The following ASXL1 variants were observed in gnomAD, a reference collection of about 807,000 sequenced individuals.
ASXL1 encodes the protein polycomb group protein ASXL1.
In ASXL1, 65 loss-of-function variants were observed where a neutral mutation model predicts 89.1. The ratio of observed to expected loss-of-function variants is 0.73; its 90% CI spans 0.60 to 0.90. ASXL1 has a LOEUF of 0.90. Ranked by LOEUF, ASXL1 falls within the 40% of genes least tolerant of loss-of-function variation. ASXL1 has a pLI of 0.00. For missense variants in ASXL1, 1,786 were observed against 1,942.9 expected, an observed-to-expected ratio of 0.92 and a Z score of 1.52; for synonymous variants, 739 against 746.9, an observed-to-expected ratio of 0.99 and a Z score of 0.17.
intron 4 of ASXL1, among the ~76,000 whole-genome samples, chr20:32,415,009 T>TTTGC (rs2049113407): frequency 7.7e-6 from 1 of 129,688 alleles, no homozygotes; most frequent in Non-Finnish European, 1.7e-5. Context: ...TGTTTGTTTG[T>TTTGC]TTGTTTTGTT....
rs1482007528 is a variant in ASXL1 at position 32,436,996 on chromosome 20, T to C, written c.4284T>C (p.Ser1428=). 3.7e-6 allele frequency: 6 copies of C among 1,613,954 alleles called. No individual in the cohort carries two copies. The highest frequency in any genetic ancestry group is 3.3e-4 in the Middle Eastern group (2 of 6,084). ...GGCTCAGTGAGCCTCTGGAGCCTTC[T>C]TCTCTCCCCTCCCAACTCAGCATCA... The part of the protein sequence containing the change: ...GKGLSEPLEP[S]SLPSQLSIKQ... The change falls in exon 13 of 13, where the codon TCT becomes TCC. Residue 1428 remains serine (S), a synonymous_variant. Transcript: ENST00000375687.
rs2048051256 is a variant in ASXL1, at chr20:32,358,586, C to T, written c.-190C>T. 5.1e-6 allele frequency: 1 copy of T among 195,212 alleles called. No individual in the cohort carries two copies. The highest frequency in any genetic ancestry group is 2.3e-5 in the African/African-American group (1 of 42,662). 12.1% of individuals were successfully genotyped at this position (195,212 alleles called of 1,614,324 possible). On this transcript the variant is annotated 5_prime_UTR_variant, in exon 1 of 13. Coordinates refer to ENST00000375687, the MANE Select transcript of ASXL1 (RefSeq NM_015338.6). ...CGCGTGGAGCCGCCGCCGCCCCTCC[C>T]CCACCGCCGCTCTCGCGCCAGCCGG...
chr20:32,409,498 C>G (rs2049009438), intron 4 of ASXL1, among the ~76,000 whole-genome samples: 1 of 152,146 alleles, frequency 6.6e-6, no homozygotes, highest in Admixed American at 6.5e-5. Context: ...TTATTAACAA[C>G]AAGTACATTC....
rs1399793191 is a variant in ASXL1 at position 32,438,832 on chromosome 20, C to G, written c.*1494C>G. ...AGGCAGGTTTGGGAAGAAACAAAGC[C>G]ATGCCTGCTCCTGCCTCTCTCCCAA... On this transcript the variant is annotated 3_prime_UTR_variant, in exon 13 of 13. Transcript: ENST00000375687. 6 of 233,418 alleles carry G rather than the reference C, an allele frequency of 2.6e-5. No homozygotes were observed. The highest frequency in any genetic ancestry group is 4.2e-5 in the Non-Finnish European group (5 of 118,088). 14.5% of individuals were successfully genotyped at this position (233,418 alleles called of 1,614,324 possible).
At chr20:32,405,306 G>A (rs1036672160) in intron 4 of ASXL1, among the ~76,000 whole-genome samples, 1 of 151,890 alleles carries the variant, frequency 6.6e-6, no homozygotes, top group African/African-American at 2.4e-5. Context: ...TTGAACTTCT[G>A]GGCTCAAGCG....
At chr20:32,370,272 G>T (rs2048280464) in intron 4 of ASXL1, among the ~76,000 whole-genome samples, 1 of 152,048 alleles carries the variant, frequency 6.6e-6, no homozygotes, top group Admixed American at 6.6e-5. Flanking sequence ...TAGACCGGGG[G>T]TCTGCAAAGT....
intron 1 of ASXL1, among the ~76,000 whole-genome samples, chr20:32,365,579 A>G (rs1162435622): frequency 1.3e-5 from 2 of 152,196 alleles, no homozygotes; most frequent in Non-Finnish European, 2.9e-5. Context: ...CAGGTAGACA[A>G]AGTACAAAGA....
At chr20:32,361,339 G>A (rs1358925339) in intron 1 of ASXL1, among the ~76,000 whole-genome samples, 2 of 147,478 alleles carry the variant, frequency 1.4e-5, no homozygotes, top group Non-Finnish European at 3.0e-5. Flanking sequence ...GGGAGACCCT[G>A]ACTCTAAAAA....
chr20:32,414,549 T>A (rs6141714), intron 4 of ASXL1, among the ~76,000 whole-genome samples: 51,741 of 151,984 alleles, frequency 0.34, 10,157 homozygotes, highest in East Asian at 0.74. Flanking sequence ...TATCTTATTT[T>A]AAAAAAAGCA....
In ASXL1 at chr20:32,429,343, C is replaced by T. The variant is rs1019881696; in HGVS notation, c.477C>T (p.Asn159=). 1 of 1,613,964 alleles carries T rather than the reference C, an allele frequency of 6.2e-7. No homozygotes were observed. The highest frequency in any genetic ancestry group is 1.3e-5 in the African/African-American group (1 of 74,912). ...RDSYRASSQA[N]KQKKKTGVML... ...TGTTCTCTCTTGGAACGCAGGCGAA[C>T]AAACAAAAGAAAAAGACTGGGGTGA... The change falls in exon 7 of 13, where the codon AAC becomes AAT. Residue 159 remains asparagine (N), a synonymous_variant. Coordinates refer to ENST00000375687, the MANE Select transcript of ASXL1 (RefSeq NM_015338.6). The surrounding 1 kb of genome is among the most constrained non-coding windows in gnomAD (Gnocchi z 4.9).
At chr20:32,372,037 C>T in intron 4 of ASXL1, 1 of 1,192,486 alleles carries the variant, frequency 8.4e-7, no homozygotes. Context: ...TTACTTTTTT[C>T]TATGAGTACC....
intron 4 of ASXL1, among the ~76,000 whole-genome samples, chr20:32,421,716 A>C (rs541652154): frequency 6.6e-6 from 1 of 152,230 alleles, no homozygotes; most frequent in Non-Finnish European, 1.5e-5. Flanking sequence ...GATGAATAGC[A>C]TAAACAGGCT....
rs764597521 is a variant in ASXL1, at chr20:32,358,753, T to TGCC, written c.-12_-10dup. On this transcript the variant is annotated 5_prime_UTR_variant, in exon 1 of 13. Transcript: ENST00000375687. Reference sequence around the variant, plus strand: ...CCAGCCCGGAGGTCCCGCGTGGAGCTGCCGCCGCCGCCGGGGAGAAGGATG... The same window carrying TGCC: ...CCAGCCCGGAGGTCCCGCGTGGAGCTGCCGCCGCCGCCGCCGGGGAGAAGGATG... 4 of 1,200,624 alleles carry TGCC rather than the reference T, an allele frequency of 3.3e-6. No homozygotes were observed. The highest frequency in any genetic ancestry group is 2.7e-5 in the South Asian group (2 of 75,044). 74.4% of individuals were successfully genotyped at this position (1,200,624 alleles called of 1,614,324 possible). A position where few individuals can be genotyped will look rare whatever the true frequency, so the allele number is the denominator to read the frequency against.
chr20:32,399,745 C>CTATTTTTTTTTTTTTTTTTTTT (rs1600525633), intron 4 of ASXL1, among the ~76,000 whole-genome samples: 1 of 66,612 alleles, frequency 1.5e-5, no homozygotes. Context: ...ACATATTTTA[C>CTATTTTTTTTTTTTTTTTTTTT]TCTTTTTTTT....
Position 32,429,078 on chromosome 20 carries a change from T to G in ASXL1, c.472-260T>G. The G allele has an allele frequency of 2.1e-6, 1 of 486,148 alleles. No individual in the cohort carries two copies. The highest frequency in any genetic ancestry group is 3.1e-5 in the Admixed American group (1 of 32,158). 30.1% of individuals were successfully genotyped at this position (486,148 alleles called of 1,614,324 possible). ...GTTTGAATGATAACCCTGCACTTAC[T>G]AGCCTTGAGACTTGGGGAAAATTCC... On this transcript the variant is annotated intron_variant, in intron 6 of 12. Coordinates refer to ENST00000375687, the MANE Select transcript of ASXL1 (RefSeq NM_015338.6). This position sits in a 1 kb window ranked among gnomAD's most constrained non-coding sequence, Gnocchi z 4.9.
At chr20:32,365,419 C>T (rs971140284) in intron 1 of ASXL1, among the ~76,000 whole-genome samples, 2 of 152,112 alleles carry the variant, frequency 1.3e-5, no homozygotes, top group Non-Finnish European at 2.9e-5. Context: ...ACCTATCAGA[C>T]GAGATCGGGC....
intron 4 of ASXL1, among the ~76,000 whole-genome samples, chr20:32,412,745 A>G (rs1177830983): frequency 1.3e-5 from 2 of 148,912 alleles, no homozygotes; most frequent in Non-Finnish European, 3.0e-5. Flanking sequence ...TTTTGCAGAC[A>G]TGGGGGTCTC....
In ASXL1 at chr20:32,362,767, T is replaced by C. The variant is rs1346933103; in HGVS notation, c.58-3617T>C. Among the ~76,000 whole-genome samples the C allele has an allele frequency of 3.3e-5, 5 of 152,340 alleles. No individual in the cohort carries two copies. The South Asian group carries it at 6.2e-4, about 19-fold the overall frequency. ...AGATGTTAATTATGCTGTTGAAAAA[T>C]AGTCTTTCTTTCACACATTTTGTAG... On this transcript the variant is annotated intron_variant, in intron 1 of 12. Transcript: ENST00000375687.
Position 32,433,828 on chromosome 20 carries a change from G to A in ASXL1, c.1630G>A (p.Asp544Asn). The A allele has an allele frequency of 6.2e-7, 1 of 1,614,134 alleles. No individual in the cohort carries two copies. The highest frequency in any genetic ancestry group is 8.5e-7 in the Non-Finnish European group (1 of 1,180,046). Reference sequence around the variant, plus strand: ...TCCCGAAAAGAAGCCCCGGCTTGAAGATCGTCAGTCCTTTCGTAACACAAT... The same window carrying A: ...TCCCGAAAAGAAGCCCCGGCTTGAAAATCGTCAGTCCTTTCGTAACACAAT... ...SFPEKKPRLE[D>N]RQSFRNTIES... Residue 544 changes from aspartate (D) to asparagine (N), a missense_variant, in exon 12 of 13, where the codon GAT becomes AAT. Transcript: ENST00000375687.
Sources: gnomAD v4.1 joint callset for allele counts (sites outside exome capture counted in the v4.1 genomes callset) on GRCh38, gnomAD v4.1.1 for gene constraint, Gnocchi (gnomAD v3.1) non-coding constraint, MANE v1.5 for transcripts, NCBI Gene and HGNC (gene_info 2026-07-23, HGNC 2026-07-21) for gene names.